SAMD12: variants seen among roughly 807,000 people sequenced by gnomAD.
SAMD12 encodes sterile alpha motif domain containing 12.
Under a neutral mutation model 15.0 loss-of-function variants are expected in SAMD12, and 9 were observed. The ratio of observed to expected loss-of-function variants is 0.60; its 90% CI spans 0.36 to 1.05. The LOEUF is 1.05. Among genes scored for constraint, SAMD12 ranks in the 50% least tolerant of loss-of-function variants. The pLI, the probability that SAMD12 is intolerant of heterozygous loss-of-function variation, is 0.01. For synonymous variants in SAMD12, 86 were observed against 90.1 expected (o/e 0.96, Z 0.25); for missense variants, 230 against 234.2 (o/e 0.98, Z 0.12).
At chr8:118,502,380 G>A (rs1477406716) in intron 2 of SAMD12, among the ~76,000 whole-genome samples, 3 of 152,058 alleles carry the variant, frequency 2.0e-5, no homozygotes, top group African/African-American at 7.2e-5. Context: ...CATATTATTA[G>A]CATTACTAGT....
chr8:118,565,764 C>T (rs1033712337), intron 2 of SAMD12, among the ~76,000 whole-genome samples: 1 of 152,164 alleles, frequency 6.6e-6, no homozygotes, highest in Non-Finnish European at 1.5e-5. Flanking sequence ...ACCAGTTTTC[C>T]CTATTTCACT....
chr8:118,557,850 A>T (rs1696156370), intron 2 of SAMD12, among the ~76,000 whole-genome samples: 1 of 152,170 alleles, frequency 6.6e-6, no homozygotes, highest in African/African-American at 2.4e-5. Context: ...ATATACACTC[A>T]TATTTTCTAC....
chr8:118,422,267 A>G (rs1435479021), intron 3 of SAMD12, among the ~76,000 whole-genome samples: 4 of 152,254 alleles, frequency 2.6e-5, no homozygotes, highest in Admixed American at 1.3e-4. Context: ...TTTCTACCTT[A>G]GAGAAGTTTC....
At chr8:118,562,422 G>A (rs1022048601) in intron 2 of SAMD12, among the ~76,000 whole-genome samples, 2 of 151,796 alleles carry the variant, frequency 1.3e-5, no homozygotes, top group African/African-American at 2.4e-5. Flanking sequence ...AAGTAAAAGA[G>A]GTTATTAAAA....
intron 2 of SAMD12, among the ~76,000 whole-genome samples, chr8:118,481,537 A>G: frequency 6.6e-6 from 1 of 152,182 alleles, no homozygotes; most frequent in South Asian, 2.1e-4. Flanking sequence ...AATTTTCTAT[A>G]AGGAATAAGA....
chr8:118,149,043 T>C, the SAMD12 span, among the ~76,000 whole-genome samples: 1 of 152,246 alleles, frequency 6.6e-6, no homozygotes, highest in African/African-American at 2.4e-5. Context: ...TTTTCTTGAG[T>C]ATATGCCTAA....
At chr8:118,391,819 GC>G in intron 3 of SAMD12, among the ~76,000 whole-genome samples, 1 of 152,096 alleles carries the variant, frequency 6.6e-6, no homozygotes, top group South Asian at 2.1e-4. Context: ...CCTTCATGGA[GC>G]TTAAAAATTA....
At chr8:118,233,535 C>G (rs1812359628) in intron 4 of SAMD12, among the ~76,000 whole-genome samples, 1 of 152,134 alleles carries the variant, frequency 6.6e-6, no homozygotes, top group Non-Finnish European at 1.5e-5. Flanking sequence ...CCTCAGTTTT[C>G]TCTCACCTGT....
chr8:118,310,480 C>T (rs1387605416), intron 4 of SAMD12, among the ~76,000 whole-genome samples: 2 of 152,172 alleles, frequency 1.3e-5, no homozygotes, highest in Non-Finnish European at 2.9e-5. Flanking sequence ...GCTGCACATC[C>T]ACAGCTGTGA....
intron 4 of SAMD12, among the ~76,000 whole-genome samples, chr8:118,348,300 C>T (rs1817768587): frequency 6.6e-6 from 1 of 152,120 alleles, no homozygotes; most frequent in Non-Finnish European, 1.5e-5. Context: ...AACTGCTGGC[C>T]TCAAGTGATC....
At chr8:118,209,686 T>C (rs1819964570) in intron 4 of SAMD12, among the ~76,000 whole-genome samples, 1 of 152,212 alleles carries the variant, frequency 6.6e-6, no homozygotes, top group Non-Finnish European at 1.5e-5. Context: ...TTTTAGGTAA[T>C]AGAGCCCAGA....
intron 4 of SAMD12, among the ~76,000 whole-genome samples, chr8:118,235,244 C>T (rs1157626816): frequency 3.3e-5 from 5 of 151,084 alleles, no homozygotes; most frequent in African/African-American, 7.3e-5. Flanking sequence ...CGGAGTCTTG[C>T]TCTGTCGCCA....
intron 4 of SAMD12, among the ~76,000 whole-genome samples, chr8:118,230,378 T>C (rs1272859858): frequency 6.6e-6 from 1 of 152,178 alleles, no homozygotes; most frequent in Non-Finnish European, 1.5e-5. Flanking sequence ...TTTTCTAGAC[T>C]GGCTACACAT....
At chr8:118,154,197 C>T in the SAMD12 span, among the ~76,000 whole-genome samples, 4 of 151,756 alleles carry the variant, frequency 2.6e-5, no homozygotes, top group Non-Finnish European at 5.9e-5. Flanking sequence ...ATGCCAAAAT[C>T]TTTATCAAGG....
Position 118,478,598 on chromosome 8 carries a change from A to G in SAMD12, c.193-38637T>C, listed in dbSNP as rs560593719. Among the ~76,000 whole-genome samples, 188 of 152,348 alleles carry G rather than the reference A, an allele frequency of 1.2e-3. 4 individuals carry two copies. The South Asian group carries it at 0.035, about 29-fold the overall frequency. On this transcript the variant is annotated intron_variant, in intron 2 of 3. Coordinates refer to ENST00000314727, the MANE Select transcript of SAMD12 (RefSeq NM_207506.3). ...CAGGGTTGTGGCAAGCGAGGCACAA[A>G]TAAGTTAACTTAGCAAACATCATAC...
At chr8:118,144,766 G>A in the SAMD12 span, among the ~76,000 whole-genome samples, 5 of 152,098 alleles carry the variant, frequency 3.3e-5, no homozygotes, top group Admixed American at 1.3e-4. Context: ...TCTGAGATTG[G>A]GTTAAAGGTG....
intron 2 of SAMD12, among the ~76,000 whole-genome samples, chr8:118,451,836 A>G (rs1445534064): frequency 6.6e-6 from 1 of 152,130 alleles, no homozygotes; most frequent in African/African-American, 2.4e-5. Flanking sequence ...CCCCAGGTCC[A>G]TGATTTCTTG....
At chr8:118,485,220 C>T (rs1324666677) in intron 2 of SAMD12, among the ~76,000 whole-genome samples, 1 of 152,204 alleles carries the variant, frequency 6.6e-6, no homozygotes, top group Non-Finnish European at 1.5e-5. Flanking sequence ...CACCTTCACA[C>T]TCCACACCCA....
At chr8:118,468,310 G>C (rs1823656161) in intron 2 of SAMD12, among the ~76,000 whole-genome samples, 1 of 151,896 alleles carries the variant, frequency 6.6e-6, no homozygotes, top group Non-Finnish European at 1.5e-5. Flanking sequence ...GGGTTTTTTT[G>C]CCAACTGCCT....
Sources: allele counts gnomAD v4.1 joint callset (sites outside exome capture counted in the v4.1 genomes callset), GRCh38; gene constraint gnomAD v4.1.1; transcripts MANE v1.5; gene names NCBI Gene and HGNC (gene_info 2026-07-23, HGNC 2026-07-21).